Variants in NR5A2 observed in about 807,000 individuals in gnomAD.
NR5A2 encodes CYP7A promoter-binding factor.
NR5A2 carries 26 observed loss-of-function variants against 62.7 expected under a neutral mutation model. The ratio of observed to expected loss-of-function variants is 0.41; its 90% confidence interval spans 0.30 to 0.58. The LOEUF is 0.58. Among genes scored for constraint, NR5A2 ranks in the 20% least tolerant of loss-of-function variants. The pLI is 0.22. For synonymous variants in NR5A2, 246 were observed against 241.7 expected (o/e 1.02, Z -0.16); for missense variants, 541 against 669.1 (o/e 0.81, Z 2.11).
intron 6 of NR5A2, among the ~76,000 whole-genome samples, chr1:200,118,952 G>A (rs1359320690): frequency 1.3e-5 from 2 of 152,188 alleles, no homozygotes; most frequent in Non-Finnish European, 2.9e-5. Flanking sequence ...TACAACACTT[G>A]ATGTTTAAAT....
At chr1:200,062,398 G>A (rs907946221) in intron 5 of NR5A2, among the ~76,000 whole-genome samples, 5 of 152,184 alleles carry the variant, frequency 3.3e-5, no homozygotes, top group African/African-American at 1.2e-4. Context: ...TGCTACAAAT[G>A]CTTCTTCACC....
chr1:200,103,540 A>G (rs1370571320), intron 5 of NR5A2, among the ~76,000 whole-genome samples: 5 of 152,250 alleles, frequency 3.3e-5, no homozygotes. Context: ...CTTACCAAAG[A>G]ACTAGGATGT....
intron 2 of NR5A2, chr1:200,042,931 T>C (rs1571704237): frequency 1.0e-6 from 1 of 985,478 alleles, no homozygotes; most frequent in Non-Finnish European, 1.2e-6. Flanking sequence ...CGTGGCGGCC[T>C]GATTTCTGTT....
chr1:200,037,273 G>C (rs968381005), intron 1 of NR5A2, among the ~76,000 whole-genome samples: 1 of 152,186 alleles, frequency 6.6e-6, no homozygotes, highest in African/African-American at 2.4e-5. Flanking sequence ...GGTCCTGTCA[G>C]ACCCTCTTTC....
At chr1:200,092,085 G>C (rs1664845172) in intron 5 of NR5A2, among the ~76,000 whole-genome samples, 1 of 152,148 alleles carries the variant, frequency 6.6e-6, no homozygotes, top group Non-Finnish European at 1.5e-5. Flanking sequence ...GAGCACAGTT[G>C]TATCTCTCTG....
chr1:200,058,606 G>A (rs760648424), intron 5 of NR5A2, among the ~76,000 whole-genome samples: 5 of 151,370 alleles, frequency 3.3e-5, no homozygotes, highest in Admixed American at 6.6e-5. Flanking sequence ...TCAACCTCCC[G>A]AGTAGCTGAG....
chr1:200,168,182 C>G lies in NR5A2; in HGVS notation c.1379-5781C>G, dbSNP rs541170892. 2.0e-5 allele frequency among the ~76,000 whole-genome samples: 3 copies of G among 150,294 alleles called. No homozygotes were observed. In the East Asian group the frequency reaches 5.8e-4, roughly 29 times the overall value. ...TGTAAGGGCCTGTTATTTCTGTGTACATATATAGTATATACACTTTATATC... is the reference window on the plus strand; with the variant it reads ...TGTAAGGGCCTGTTATTTCTGTGTAGATATATAGTATATACACTTTATATC... On this transcript the variant is annotated intron_variant, in intron 7 of 7. Coordinates refer to ENST00000367362, the MANE Select transcript of NR5A2 (RefSeq NM_205860.3).
rs536613019 is a variant in NR5A2, at chr1:200,130,255, G to T, written c.1378+9300G>T. Reference sequence around the variant, plus strand: ...AAAAGAGGCTTACAAATCCAACAGAGATCTGCTTGCAGGAACTAACTAGGA... The same window carrying T: ...AAAAGAGGCTTACAAATCCAACAGATATCTGCTTGCAGGAACTAACTAGGA... On this transcript the variant is annotated intron_variant, in intron 7 of 7. Coordinates refer to ENST00000367362, the MANE Select transcript of NR5A2 (RefSeq NM_205860.3). Among the ~76,000 whole-genome samples the T allele has an allele frequency of 6.5e-5, 9 of 137,588 alleles. 1 individual carries two copies. In the South Asian group the frequency reaches 2.1e-3, roughly 32 times the overall value. 90.3% of individuals were successfully genotyped at this position (137,588 alleles called of 152,430 possible). A position where few individuals can be genotyped will look rare whatever the true frequency, so the allele number is the denominator to read the frequency against.
At chr1:200,036,794 T>C (rs1661799613) in intron 1 of NR5A2, among the ~76,000 whole-genome samples, 1 of 152,206 alleles carries the variant, frequency 6.6e-6, no homozygotes, top group Non-Finnish European at 1.5e-5. Context: ...AAGGTCGTTT[T>C]CTCTCGCTCG....
intron 5 of NR5A2, among the ~76,000 whole-genome samples, chr1:200,102,230 A>G (rs1452520043): frequency 3.3e-5 from 5 of 152,208 alleles, no homozygotes; most frequent in African/African-American, 1.2e-4. Flanking sequence ...AAAATTTTTG[A>G]TAAAGACTCT....
Position 200,039,641 on chromosome 1 carries a change from G to A in NR5A2, c.65-17G>A, listed in dbSNP as rs370117334. 3.5e-5 allele frequency: 56 copies of A among 1,611,160 alleles called. No homozygotes were observed. In the African/African-American group the frequency reaches 7.1e-4, roughly 20 times the overall value. On this transcript the variant is annotated splice_polypyrimidine_tract_variant and intron_variant, in intron 1 of 7. Coordinates refer to ENST00000367362, the MANE Select transcript of NR5A2 (RefSeq NM_205860.3). This position sits in a 1 kb window ranked among gnomAD's most constrained non-coding sequence, Gnocchi z 5.1. ...CCTTCTTTTCGCCGGAGTTGAATCT[G>A]TGCTGCCCGTGTCCAGGTGCTGGGC...
intron 5 of NR5A2, among the ~76,000 whole-genome samples, chr1:200,086,638 G>A (rs533872454): frequency 6.6e-6 from 1 of 152,292 alleles, no homozygotes; most frequent in Admixed American, 6.5e-5. Flanking sequence ...AAAAGACTCA[G>A]CTAATAGACT....
At chr1:200,155,039 G>A (rs1487321823) in intron 7 of NR5A2, among the ~76,000 whole-genome samples, 1 of 152,236 alleles carries the variant, frequency 6.6e-6, no homozygotes, top group African/African-American at 2.4e-5. Context: ...AGCTTCAGGA[G>A]GGTGGAAGTG....
chr1:200,160,481 C>T (rs748068078), intron 7 of NR5A2, among the ~76,000 whole-genome samples: 8 of 152,176 alleles, frequency 5.3e-5, no homozygotes, highest in East Asian at 1.9e-4. Flanking sequence ...GGAGCTGAAT[C>T]GGGCTCTTAG....
intron 5 of NR5A2, among the ~76,000 whole-genome samples, chr1:200,072,615 G>T (rs1157961018): frequency 2.0e-5 from 3 of 151,768 alleles, no homozygotes; most frequent in Non-Finnish European, 4.4e-5. Flanking sequence ...TGTATTAAAA[G>T]AAAAGCTATT....
intron 1 of NR5A2, among the ~76,000 whole-genome samples, chr1:200,031,571 C>CT (rs530174677): frequency 0.049 from 4,356 of 89,482 alleles, 101 homozygotes; most frequent in Middle Eastern, 0.11. Context: ...TCTTTAACAC[C>CT]TTTTTTTTTT....
intron 5 of NR5A2, among the ~76,000 whole-genome samples, chr1:200,055,330 G>T (rs554505842): frequency 1.3e-5 from 2 of 152,050 alleles, no homozygotes; most frequent in African/African-American, 4.8e-5. Context: ...CGAGTAGCTG[G>T]GATTATAGCG....
chr1:200,138,474 TAAG>T (rs1291766068), intron 7 of NR5A2, among the ~76,000 whole-genome samples: 2 of 152,204 alleles, frequency 1.3e-5, no homozygotes, highest in Non-Finnish European at 2.9e-5. Flanking sequence ...TAAATTTTCT[TAAG>T]AAATCCTTCC....
chr1:200,131,405 G>A (rs1666965525), intron 7 of NR5A2, among the ~76,000 whole-genome samples: 2 of 152,168 alleles, frequency 1.3e-5, no homozygotes, highest in South Asian at 4.1e-4. Context: ...ATTTATTTAA[G>A]CATATTTCTG....
Sources: allele counts gnomAD v4.1 joint callset (sites outside exome capture counted in the v4.1 genomes callset), GRCh38; gene constraint gnomAD v4.1.1; non-coding constraint Gnocchi (gnomAD v3.1); transcripts MANE v1.5; gene names NCBI Gene and HGNC (gene_info 2026-07-23, HGNC 2026-07-21).